COG1: variants seen among roughly 807,000 people sequenced by gnomAD.
COG1 encodes component of oligomeric golgi complex 1.
A neutral mutation model predicts 102.2 loss-of-function variants in COG1; 61 were observed. That is an observed-to-expected ratio of 0.60 (90% CI 0.49 to 0.74). The LOEUF (loss-of-function observed/expected upper bound fraction) is 0.74, where lower values mean the gene tolerates loss of function less well. COG1 is among the 30% of genes least tolerant of loss of function. The pLI is 0.00. For synonymous variants in COG1, 454 were observed against 493.6 expected (o/e 0.92, Z 1.06); for missense variants, 1,164 against 1,232.1 (o/e 0.94, Z 0.83).
In COG1 at chr17:73,207,185, G is replaced by A; in HGVS notation, c.2734G>A (p.Gly912Arg). 5 of 1,611,734 alleles carry A rather than the reference G, an allele frequency of 3.1e-6. No homozygotes were observed. Among genetic ancestry groups the A allele is most frequent in the Non-Finnish European group, 4.2e-6 (5 of 1,179,272 alleles). ...TTCTTTCCTCTTGTTTTGGAGGTTT[G>A]GACTTCTCCCACTGAGCATGACAAG... The part of the protein sequence containing the change: ...LPLASSQIRF[G>R]LLPLSMTSTR... The change falls in exon 13 of 14, where the codon GGA becomes AGA. Residue 912 changes from glycine to arginine, a missense_variant. Coordinates refer to ENST00000299886, the MANE Select transcript of COG1 (RefSeq NM_018714.3).
In COG1 at chr17:73,196,880, T is replaced by C. The variant is rs2145092926; in HGVS notation, c.561-20T>C. On this transcript the variant is annotated intron_variant, in intron 2 of 13. Coordinates refer to ENST00000299886, the MANE Select transcript of COG1 (RefSeq NM_018714.3). ...AAGATGTGAAAAACACCCTGGCGAC[T>C]TCTGTCATCATTTTTCTAGGTCAAC... 4 of 1,614,236 alleles carry C rather than the reference T, an allele frequency of 2.5e-6. No homozygotes were observed. Among genetic ancestry groups the C allele is most frequent in the African/African-American group, 1.3e-5 (1 of 75,064 alleles).
intron 3 of COG1, 70 bp downstream of exon 3, chr17:73,197,151 G>A: frequency 6.2e-7 from 1 of 1,611,444 alleles, no homozygotes; most frequent in Non-Finnish European, 8.5e-7. Flanking sequence ...GCGGGAGACT[G>A]AAGCCTCCAG....
At chr17:73,200,407 C>T (rs555966844) in intron 5 of COG1, among the ~76,000 whole-genome samples, 159 bp from the exon 6 acceptor site, 17 of 152,270 alleles carry the variant, frequency 1.1e-4, no homozygotes, top group African/African-American at 3.4e-4. Context: ...CCAGCCAAAA[C>T]GCTCTGTGTT....
Position 73,206,206 on chromosome 17 carries a change from G to C in COG1, c.2563G>C (p.Asp855His). 1 of 1,614,158 alleles carries C rather than the reference G, an allele frequency of 6.2e-7. No homozygotes were observed. The highest frequency in any genetic ancestry group is 8.5e-7 in the Non-Finnish European group (1 of 1,180,026). ...AGCCCTCATTGATCCATTTGACCTG[G>C]ACGTTTTCACGCCACACCTCAACAG... ...LEALIDPFDL[D>H]VFTPHLNSNL... The change falls in exon 11 of 14, where the codon GAC becomes CAC. Residue 855 changes from aspartate (D) to histidine (H), a missense_variant. Transcript: ENST00000299886.
intron 7 of COG1, 87 bp from the exon 8 acceptor site, chr17:73,202,913 G>A (rs1035570248): frequency 7.1e-6 from 10 of 1,416,768 alleles, no homozygotes; most frequent in Admixed American, 5.0e-5. Flanking sequence ...AGCAGCTTGA[G>A]CTGTTCTCAG....
intron 1 of COG1, 104 bp from the exon 2 acceptor site, chr17:73,196,400 TAGA>T: frequency 1.3e-5 from 20 of 1,545,594 alleles, no homozygotes; most frequent in Non-Finnish European, 1.8e-5. Flanking sequence ...CCCAGCTTAA[TAGA>T]AGTTTTGTAT....
Position 73,206,699 on chromosome 17 carries a change from G to A in COG1, c.2620-9G>A, listed in dbSNP as rs2061375147. On this transcript the variant is annotated splice_polypyrimidine_tract_variant and intron_variant, in intron 11 of 13. Coordinates refer to ENST00000299886, the MANE Select transcript of COG1 (RefSeq NM_018714.3). ...CAATGAAACCTCTGCTCCACCTCTTGTCTGCCAGGTTCTGTTTGGATTGGT... is the reference window on the plus strand; with the variant it reads ...CAATGAAACCTCTGCTCCACCTCTTATCTGCCAGGTTCTGTTTGGATTGGT... 2 of 1,514,458 alleles carry A rather than the reference G, an allele frequency of 1.3e-6. No individual in the cohort carries two copies. The highest frequency in any genetic ancestry group is 3.0e-5 in the African/African-American group (2 of 65,644). The allele number at this position is 1,514,458 out of a possible 1,614,324, so 93.8% of individuals were successfully genotyped here. A position where few individuals can be genotyped will look rare whatever the true frequency, so the allele number is the denominator to read the frequency against.
In COG1 at chr17:73,203,101, A is replaced by G. The variant is rs770427624; in HGVS notation, c.2175A>G (p.Ala725=). Residue 725 remains alanine, a synonymous_variant, in exon 8 of 14, where the codon GCA becomes GCG. Transcript: ENST00000299886. ...ATGAGCTAGAAATTCAGGAGGAGGC[A>G]GAGTCTGGCAGCAGTGTCACATCCA... is the stretch of plus-strand genomic sequence containing the variant. ...SWDELEIQEE[A]ESGSSVTSKI... is the part of the protein sequence containing the mutation. 3 of 1,614,092 alleles carry G rather than the reference A, an allele frequency of 1.9e-6. No individual in the cohort carries two copies. The highest frequency in any genetic ancestry group is 1.3e-5 in the African/African-American group (1 of 74,928).
intron 8 of COG1, 87 bp downstream of exon 8, chr17:73,203,233 T>G (rs909272384): frequency 1.3e-6 from 2 of 1,501,652 alleles, no homozygotes; most frequent in African/African-American, 2.8e-5. Flanking sequence ...ACATACAACT[T>G]CTGAGGAATA....
chr17:73,203,449 A>G, intron 8 of COG1, 183 bp from the exon 9 acceptor site: 1 of 771,946 alleles, frequency 1.3e-6, no homozygotes, highest in Non-Finnish European at 2.2e-6. Flanking sequence ...CCGTGGAGGC[A>G]GTAACAGCAA....
At position 73,193,112 on chromosome 17, in the gene COG1, C is replaced by A. The variant is rs767454152; in HGVS notation, c.43C>A (p.Leu15Met). The change falls in exon 1 of 14, where the codon CTG (leucine) becomes ATG (methionine). Residue 15 changes from leucine (L) to methionine (M), a missense_variant. Physicochemically the swap from Leu to Met is conservative, Grantham distance 15. Coordinates refer to ENST00000299886, the MANE Select transcript of COG1 (RefSeq NM_018714.3). ...CTCACCCGCGCTGAAGCGGCTGGAT[C>A]TGCGCGACCCTGCGGCTCTTTTCGA... Reference protein sequence around the residue: ...ATSPALKRLDLRDPAALFETH... With the variant: ...ATSPALKRLDMRDPAALFETH... 1.8e-5 allele frequency: 29 copies of A among 1,611,688 alleles called. No individual in the cohort carries two copies. In the East Asian group the frequency reaches 5.6e-4, roughly 31 times the overall value.
At chr17:73,201,034 T>C in intron 6 of COG1, 75 bp from the exon 7 acceptor site, 2 of 1,348,518 alleles carry the variant, frequency 1.5e-6, no homozygotes, top group Non-Finnish European at 2.1e-6. Flanking sequence ...CTAGGATAAA[T>C]TACCATTTGG....
chr17:73,196,807 G>A, intron 2 of COG1, 56 bp downstream of exon 2: 5 of 1,613,872 alleles, frequency 3.1e-6, no homozygotes, highest in Non-Finnish European at 4.2e-6. Context: ...TCACATTACG[G>A]GTTTATGGCG....
intron 4 of COG1, among the ~76,000 whole-genome samples, chr17:73,198,761 C>T (rs1425408240): frequency 2.6e-5 from 4 of 152,144 alleles, no homozygotes; most frequent in South Asian, 2.1e-4. Context: ...TGGATGACAT[C>T]ATCAGTAAGG....
At chr17:73,207,004 A>G (rs1219260415) in intron 12 of COG1, 177 bp from the exon 13 acceptor site, 12 of 701,874 alleles carry the variant, frequency 1.7e-5, no homozygotes, top group Non-Finnish European at 2.7e-5. Context: ...GAGGCAGGAG[A>G]ATGGCGTGAA....
intron 3 of COG1, 45 bp from the exon 4 acceptor site, chr17:73,197,181 T>C (rs1034032359): frequency 1.9e-6 from 3 of 1,613,740 alleles, no homozygotes; most frequent in Admixed American, 1.7e-5. Context: ...TGTCTTTCAC[T>C]TTGGGAAAGG....
chr17:73,200,752 G>A lies in COG1; in HGVS notation c.1257G>A (p.Gln419=). Residue 419 remains glutamine, a synonymous_variant, in exon 6 of 14, where the codon CAG becomes CAA. Coordinates refer to ENST00000299886, the MANE Select transcript of COG1 (RefSeq NM_018714.3). The part of the protein sequence containing the change: ...KPLLFWEDMM[Q]QLFLDRLQTL... ...TCTTGTTCTGGGAAGATATGATGCA[G>A]CAACTGTTCCTTGACCGATTACAGG... 5.0e-6 allele frequency: 8 copies of A among 1,614,104 alleles called. No individual in the cohort carries two copies. The highest frequency in any genetic ancestry group is 6.8e-6 in the Non-Finnish European group (8 of 1,179,990).
chr17:73,201,673 A>C lies in COG1; in HGVS notation c.1846A>C (p.Arg616=), dbSNP rs758341695. The part of the protein sequence containing the change: ...AKLHSVLFMA[R]LCQSLGELCP... ...GCTGCACTCAGTTCTTTTCATGGCC[A>C]GACTCTGCCAGTCCCTGGGAGAGCT... The change falls in exon 7 of 14, where the codon AGA becomes CGA. Residue 616 remains arginine (R), a synonymous_variant. Transcript: ENST00000299886. The C allele has an allele frequency of 6.2e-7, 1 of 1,614,242 alleles. No individual in the cohort carries two copies. The highest frequency in any genetic ancestry group is 1.7e-5 in the Admixed American group (1 of 60,034).
intron 9 of COG1, among the ~76,000 whole-genome samples, chr17:73,204,879 A>G (rs74605501): frequency 0.017 from 2,638 of 151,610 alleles, 24 homozygotes; most frequent in Non-Finnish European, 0.022. Context: ...TAGAAGGAAC[A>G]TGGTCAGGTG....
Sources: allele counts gnomAD v4.1 joint callset (sites outside exome capture counted in the v4.1 genomes callset), GRCh38; gene constraint gnomAD v4.1.1; transcripts MANE v1.5; gene names NCBI Gene and HGNC (gene_info 2026-07-23, HGNC 2026-07-21).